HDAC9: variants seen among roughly 807,000 people sequenced by gnomAD.
The protein encoded by HDAC9 is histone deacetylase 9, also known as MEF-2 interacting transcription repressor (MITR) protein.
Under a neutral mutation model 139.4 loss-of-function variants are expected in HDAC9, and 41 were observed. The ratio of observed to expected loss-of-function variants is 0.29; its 90% CI spans 0.23 to 0.38. The LOEUF is 0.38. HDAC9 is among the 10% of genes least tolerant of loss of function. The pLI, the probability that HDAC9 is intolerant of heterozygous loss-of-function variation, is 1.00. For synonymous variants in HDAC9, 517 were observed against 476.2 expected (o/e 1.09, Z -1.12); for missense variants, 1,147 against 1,297.0 (o/e 0.88, Z 1.78).
At chr7:18,299,341 T>G (rs1798382641) in intron 1 of HDAC9, among the ~76,000 whole-genome samples, 4 of 152,064 alleles carry the variant, frequency 2.6e-5, no homozygotes, top group Admixed American at 2.6e-4. Flanking sequence ...TGTAAGCGCC[T>G]TTGGGTAATG....
intron 21 of HDAC9, among the ~76,000 whole-genome samples, chr7:18,849,355 G>C (rs976949506): frequency 5.3e-5 from 8 of 152,272 alleles, no homozygotes; most frequent in African/African-American, 1.9e-4. Flanking sequence ...ACAAGAGAGG[G>C]AAAAGAGTGT....
At chr7:18,660,792 C>T (rs774795383) in intron 11 of HDAC9, among the ~76,000 whole-genome samples, 5 of 151,980 alleles carry the variant, frequency 3.3e-5, no homozygotes, top group South Asian at 2.1e-4. Context: ...TTTTTATTCA[C>T]GGGGCAACCA....
chr7:18,347,880 A>G (rs1193240688), intron 1 of HDAC9, among the ~76,000 whole-genome samples: 1 of 152,132 alleles, frequency 6.6e-6, no homozygotes, highest in Non-Finnish European at 1.5e-5. Flanking sequence ...CCTGGCCGGC[A>G]GTATGTTTTT....
At chr7:18,461,285 A>C (rs949176147) in intron 1 of HDAC9, among the ~76,000 whole-genome samples, 2 of 152,214 alleles carry the variant, frequency 1.3e-5, no homozygotes, top group Non-Finnish European at 2.9e-5. Flanking sequence ...AAAATTTAAA[A>C]ATAAAAATCT....
intron 22 of HDAC9, among the ~76,000 whole-genome samples, chr7:18,923,207 T>G (rs1298208989): frequency 6.6e-6 from 1 of 152,032 alleles, no homozygotes; most frequent in African/African-American, 2.4e-5. Context: ...ATCTTATACA[T>G]CTATCCGTTA....
intron 24 of HDAC9, among the ~76,000 whole-genome samples, chr7:18,970,801 G>A (rs1478294655): frequency 1.6e-5 from 2 of 123,112 alleles, no homozygotes; most frequent in East Asian, 5.5e-4. Flanking sequence ...CATTCAAATG[G>A]AAAAAAGGTA....
rs565025539 is a variant in HDAC9, at chr7:18,804,401, G to A, written c.2322+10949G>A. ...CACACATACACACAAACACGCTGTG[G>A]TTCATACACACGTATGCATACGTAA... On this transcript the variant is annotated intron_variant, in intron 17 of 25. Transcript: ENST00000686413. Among the ~76,000 whole-genome samples the A allele has an allele frequency of 2.6e-5, 4 of 152,204 alleles. 1 individual carries two copies. Among genetic ancestry groups the A allele is most frequent in the African/African-American group, 9.6e-5 (4 of 41,522 alleles).
chr7:18,274,291 A>G (rs191176974), intron 2 of HDAC9, among the ~76,000 whole-genome samples: 7 of 152,302 alleles, frequency 4.6e-5, no homozygotes, highest in Admixed American at 4.6e-4. Context: ...AATTGTCTGC[A>G]TCTGGTGAGG....
At chr7:18,195,819 AT>A (rs1342520280) in intron 2 of HDAC9, among the ~76,000 whole-genome samples, 2 of 152,152 alleles carry the variant, frequency 1.3e-5, no homozygotes, top group African/African-American at 4.8e-5. Flanking sequence ...GCCGTTATGT[AT>A]AAATGTTTCA....
At chr7:18,165,345 T>G (rs934570261) in intron 2 of HDAC9, among the ~76,000 whole-genome samples, 2 of 152,218 alleles carry the variant, frequency 1.3e-5, no homozygotes, top group Non-Finnish European at 2.9e-5. Context: ...GTAGAAATGC[T>G]CTTAGTCCAT....
intron 6 of HDAC9, among the ~76,000 whole-genome samples, chr7:18,618,383 A>G (rs1481964098): frequency 1.3e-5 from 2 of 152,114 alleles, no homozygotes; most frequent in African/African-American, 4.8e-5. Flanking sequence ...GTTCATGCTG[A>G]GAGAACCAAT....
intron 17 of HDAC9, chr7:18,807,928 CT>C (rs1793852471): frequency 6.6e-6 from 1 of 152,102 alleles, no homozygotes; most frequent in African/African-American, 2.4e-5. Context: ...CTCCATCTGT[CT>C]TTTATGTCCA....
chr7:18,592,843 C>T (rs1157075307), intron 5 of HDAC9, among the ~76,000 whole-genome samples: 2 of 152,088 alleles, frequency 1.3e-5, no homozygotes, highest in African/African-American at 4.8e-5. Flanking sequence ...CCTAAAACTA[C>T]ACACATAATT....
intron 21 of HDAC9, among the ~76,000 whole-genome samples, chr7:18,872,067 A>T (rs1798963067): frequency 6.6e-6 from 1 of 152,194 alleles, no homozygotes; most frequent in South Asian, 2.1e-4. Context: ...AACACACAGC[A>T]TGCATTGCAG....
chr7:18,545,054 C>T (rs1329996477), intron 2 of HDAC9, among the ~76,000 whole-genome samples: 1 of 152,076 alleles, frequency 6.6e-6, no homozygotes, highest in Non-Finnish European at 1.5e-5. Context: ...GCAGCTCCCC[C>T]ACAACAAAAT....
chr7:18,934,078 TAAAC>T (rs1397679688), intron 22 of HDAC9, among the ~76,000 whole-genome samples: 5 of 151,534 alleles, frequency 3.3e-5, no homozygotes, highest in South Asian at 2.1e-4. Context: ...TGTAATAGAG[TAAAC>T]AAACATTTTA....
intron 21 of HDAC9, among the ~76,000 whole-genome samples, chr7:18,852,097 C>T (rs185476173): frequency 1.3e-4 from 20 of 152,290 alleles, no homozygotes; most frequent in Admixed American, 3.3e-4. Context: ...CTCAATTTAG[C>T]CTTTGGTGCT....
intron 3 of HDAC9, among the ~76,000 whole-genome samples, chr7:18,586,516 C>T (rs1350483609): frequency 6.6e-6 from 1 of 152,014 alleles, no homozygotes; most frequent in Admixed American, 6.6e-5. Flanking sequence ...ATATCAAGTA[C>T]AAGCACATTG....
At chr7:18,431,446 T>C (rs538230776) in intron 1 of HDAC9, among the ~76,000 whole-genome samples, 83 of 152,324 alleles carry the variant, frequency 5.4e-4, no homozygotes, top group Non-Finnish European at 1.0e-3. Context: ...ATTTATTTTT[T>C]CTTCGTCCGT....
Sources: allele counts gnomAD v4.1 joint callset (sites outside exome capture counted in the v4.1 genomes callset), GRCh38; gene constraint gnomAD v4.1.1; transcripts MANE v1.5; gene names NCBI Gene and HGNC (gene_info 2026-07-23, HGNC 2026-07-21).